RBPMS: variants seen among roughly 807,000 people sequenced by gnomAD.
The protein encoded by RBPMS is RNA-binding protein with multiple splicing.
RBPMS carries 7 observed loss-of-function variants against 26.8 expected under a neutral mutation model. The observed-to-expected ratio is 0.26, with a 90% CI of 0.15 to 0.49. RBPMS has a LOEUF of 0.49. Among genes scored for constraint, RBPMS ranks in the 20% least tolerant of loss-of-function variants. RBPMS has a pLI of 0.98. For synonymous variants in RBPMS, 96 were observed against 93.3 expected, an observed-to-expected ratio of 1.03 and a Z score of -0.17; for missense variants, 186 against 250.0, an observed-to-expected ratio of 0.74 and a Z score of 1.73.
chr8:30,545,073 T>C, intron 6 of RBPMS: 1 of 1,376,738 alleles, frequency 7.3e-7, no homozygotes, highest in Non-Finnish European at 9.5e-7. Flanking sequence ...GAGAAGAATC[T>C]CTGACCAAAG....
chr8:30,511,481 AAAAAAATATATATATATATAT>A lies in RBPMS; in HGVS notation c.397+7047_397+7067del, dbSNP rs1171922838. Reference sequence around the variant, plus strand: ...TTTAAAACAAAAAAAGAAAAAAAAAAAAAAAATATATATATATATATATATATATATATATATATATATATT... The same window carrying A: ...TTTAAAACAAAAAAAGAAAAAAAAAAATATATATATATATATATATATATT... On this transcript the variant is annotated intron_variant, in intron 5 of 8. Transcript: ENST00000397323. Among the ~76,000 whole-genome samples the A allele has an allele frequency of 3.3e-3, 244 of 73,156 alleles. 3 individuals carry two copies. Among genetic ancestry groups the A allele is most frequent in the African/African-American group, 3.7e-3 (47 of 12,848 alleles). 48.0% of individuals were successfully genotyped at this position (73,156 alleles called of 152,430 possible).
intron 1 of RBPMS, among the ~76,000 whole-genome samples, chr8:30,472,131 G>T (rs963099031): frequency 6.6e-6 from 1 of 152,146 alleles, no homozygotes; most frequent in Non-Finnish European, 1.5e-5. Context: ...CATTTTATTT[G>T]TAATAGCCAA....
intron 7 of RBPMS, among the ~76,000 whole-genome samples, chr8:30,561,722 G>A (rs1207502694): frequency 2.0e-5 from 3 of 152,314 alleles, no homozygotes; most frequent in African/African-American, 7.2e-5. Flanking sequence ...GGAAAGTCAA[G>A]CATGGTGAGA....
At chr8:30,425,696 G>A (rs977588752) in intron 1 of RBPMS, among the ~76,000 whole-genome samples, 3 of 152,026 alleles carry the variant, frequency 2.0e-5, no homozygotes, top group Non-Finnish European at 4.4e-5. Context: ...CACCGAGCCC[G>A]GCCCGGTGGC....
At chr8:30,560,378 G>C (rs1827354600) in intron 7 of RBPMS, among the ~76,000 whole-genome samples, 1 of 152,110 alleles carries the variant, frequency 6.6e-6, no homozygotes, top group African/African-American at 2.4e-5. Context: ...ATGAGTAATG[G>C]GCATGAGAGT....
chr8:30,458,053 C>T (rs911065573), intron 1 of RBPMS, among the ~76,000 whole-genome samples: 2 of 152,118 alleles, frequency 1.3e-5, no homozygotes, highest in African/African-American at 2.4e-5. Context: ...ATGGTATTTG[C>T]ATATAACCTA....
At chr8:30,551,014 CCTT>C (rs541505297) in intron 6 of RBPMS, among the ~76,000 whole-genome samples, 1 of 152,226 alleles carries the variant, frequency 6.6e-6, no homozygotes, top group African/African-American at 2.4e-5. Flanking sequence ...TTCCCACAGT[CCTT>C]CTGCTAGTAT....
At chr8:30,568,546 T>C (rs370985667) in intron 8 of RBPMS, among the ~76,000 whole-genome samples, 54 of 152,328 alleles carry the variant, frequency 3.5e-4, no homozygotes, top group African/African-American at 1.3e-3. Context: ...GTCTTCAAAC[T>C]GGGACTGTTC....
At chr8:30,386,893 C>A (rs1038452918) in intron 1 of RBPMS, among the ~76,000 whole-genome samples, 1 of 151,860 alleles carries the variant, frequency 6.6e-6, no homozygotes, top group Non-Finnish European at 1.5e-5. Flanking sequence ...AAAAGAGGTT[C>A]AATGTCCTAA....
At chr8:30,440,338 C>G (rs577756319) in intron 1 of RBPMS, among the ~76,000 whole-genome samples, 4 of 152,142 alleles carry the variant, frequency 2.6e-5, no homozygotes, top group Non-Finnish European at 5.9e-5. Context: ...AACAACAGCT[C>G]GCTGTCCCCA....
At chr8:30,431,349 T>TC (rs1554511892) in intron 1 of RBPMS, among the ~76,000 whole-genome samples, 3 of 111,596 alleles carry the variant, frequency 2.7e-5, no homozygotes, top group Non-Finnish European at 5.5e-5. Flanking sequence ...TTTTCTTTTT[T>TC]TTTCTTTCTC....
intron 1 of RBPMS, among the ~76,000 whole-genome samples, chr8:30,386,416 T>C (rs1174896753): frequency 1.3e-5 from 2 of 152,260 alleles, no homozygotes; most frequent in African/African-American, 4.8e-5. Context: ...ATTTTACTCG[T>C]CACCCAGTTG....
chr8:30,429,358 C>T (rs1256132049), intron 1 of RBPMS, among the ~76,000 whole-genome samples: 2 of 152,144 alleles, frequency 1.3e-5, no homozygotes, highest in African/African-American at 4.8e-5. Context: ...TTCCTGGACT[C>T]CCCAGGCAGT....
intron 4 of RBPMS, among the ~76,000 whole-genome samples, chr8:30,481,810 CT>C (rs34601619): frequency 2.6e-5 from 4 of 152,172 alleles, no homozygotes; most frequent in African/African-American, 9.6e-5. Context: ...ACGTTTTGAA[CT>C]TTTCTATGTA....
chr8:30,539,306 GC>G (rs1160182455), intron 5 of RBPMS, among the ~76,000 whole-genome samples: 1 of 152,126 alleles, frequency 6.6e-6, no homozygotes, highest in Non-Finnish European at 1.5e-5. Flanking sequence ...AAGACCACCT[GC>G]TTTCCAGGGG....
At chr8:30,526,706 CAT>C (rs1823628267) in intron 5 of RBPMS, among the ~76,000 whole-genome samples, 1 of 152,082 alleles carries the variant, frequency 6.6e-6, no homozygotes, top group Non-Finnish European at 1.5e-5. Context: ...TTCAGGAAAT[CAT>C]AACTAATTTT....
intron 5 of RBPMS, among the ~76,000 whole-genome samples, chr8:30,524,391 A>G (rs1472915773): frequency 2.0e-5 from 3 of 152,158 alleles, no homozygotes; most frequent in South Asian, 4.1e-4. Context: ...CAGAATATCC[A>G]AATTTTTATT....
chr8:30,464,367 T>C (rs1263141689), intron 1 of RBPMS, among the ~76,000 whole-genome samples: 1 of 152,184 alleles, frequency 6.6e-6, no homozygotes, highest in African/African-American at 2.4e-5. Context: ...CCAAGGAATT[T>C]AAACTATATA....
chr8:30,508,646 T>G (rs1005933011), intron 5 of RBPMS, among the ~76,000 whole-genome samples: 1 of 152,038 alleles, frequency 6.6e-6, no homozygotes, highest in Non-Finnish European at 1.5e-5. Flanking sequence ...TAACATACCA[T>G]AGTTTTATTT....
Sources: gnomAD v4.1 joint callset for allele counts (sites outside exome capture counted in the v4.1 genomes callset) on GRCh38, gnomAD v4.1.1 for gene constraint, MANE v1.5 for transcripts, NCBI Gene and HGNC (gene_info 2026-07-23, HGNC 2026-07-21) for gene names.